CEP152: variants seen among roughly 807,000 people sequenced by gnomAD.
The protein encoded by CEP152 is centrosomal protein of 152 kDa.
CEP152 carries 132 observed loss-of-function variants against 188.9 expected under a neutral mutation model. The observed-to-expected ratio is 0.70, with a 90% confidence interval of 0.61 to 0.81. CEP152 has a LOEUF of 0.81. Among genes scored for constraint, CEP152 ranks in the 30% least tolerant of loss-of-function variants. The probability of loss-of-function intolerance (pLI) is 0.00; values close to 1 mark genes in which losing one functional copy is unlikely to be tolerated. For missense variants in CEP152, 1,914 were observed against 1,969.8 expected, an observed-to-expected ratio of 0.97 and a Z score of 0.54; for synonymous variants, 649 against 666.6, an observed-to-expected ratio of 0.97 and a Z score of 0.41.
chr15:48,795,612 G>A (rs183868259), intron 6 of CEP152, among the ~76,000 whole-genome samples: 7 of 152,274 alleles, frequency 4.6e-5, no homozygotes, highest in African/African-American at 1.4e-4. Flanking sequence ...AAACTAGAAT[G>A]ACTGAAATAT....
At chr15:48,764,806 A>G (rs1008068924) in intron 17 of CEP152, among the ~76,000 whole-genome samples, 1 of 152,252 alleles carries the variant, frequency 6.6e-6, no homozygotes, top group Non-Finnish European at 1.5e-5. Context: ...TGCATGAAAC[A>G]TAAAAAAACA....
Position 48,788,972 on chromosome 15 carries a change from C to T in CEP152, c.1002G>A (p.Met334Ile), listed in dbSNP as rs372408673. The T allele has an allele frequency of 1.9e-6, 3 of 1,614,024 alleles. No homozygotes were observed. In the African/African-American group the frequency reaches 4.0e-5, roughly 22 times the overall value. The change falls in exon 9 of 27, where the codon ATG becomes ATA. Residue 334 changes from methionine (M) to isoleucine (I), a missense_variant. By Grantham distance (10) the Met-to-Ile change is conservative (BLOSUM62 1). Coordinates refer to ENST00000380950, the MANE Select transcript of CEP152 (RefSeq NM_001194998.2). ...QMIKKSRTTE[M>I]ALESLKQQLV... Reference sequence around the variant, plus strand: ...GCTGCTGCTTCAAGCTTTCCAGAGCCATTTCAGTTGTTCTGGACTTCTTGA... The same window carrying T: ...GCTGCTGCTTCAAGCTTTCCAGAGCTATTTCAGTTGTTCTGGACTTCTTGA...
chr15:48,738,570 T>G lies in CEP152; in HGVS notation c.4812A>C (p.Glu1604Asp). 1 of 1,614,218 alleles carries G rather than the reference T, an allele frequency of 6.2e-7. No homozygotes were observed. Among genetic ancestry groups the G allele is most frequent in the Non-Finnish European group, 8.5e-7 (1 of 1,180,024 alleles). ...RPQGTLEIPS[E>D]SVKSKQFSPS... ...GTGAAAACTGTTTGGATTTAACAGATTCACTTGGTATTTCCAAAGTTCCTT... is the reference window on the plus strand; with the variant it reads ...GTGAAAACTGTTTGGATTTAACAGAGTCACTTGGTATTTCCAAAGTTCCTT... The change falls in exon 27 of 27, where the codon GAA (glutamate) becomes GAC (aspartate). Residue 1604 changes from glutamate (E) to aspartate (D), a missense_variant. Physicochemically the swap from Glu to Asp is conservative, Grantham distance 45. Transcript: ENST00000380950.
chr15:48,758,946 T>C (rs1894477126), intron 19 of CEP152, among the ~76,000 whole-genome samples: 1 of 152,142 alleles, frequency 6.6e-6, no homozygotes, highest in Non-Finnish European at 1.5e-5. Context: ...CTTGGCCTGT[T>C]TTATTTTCTA....
chr15:48,773,215 A>C (rs1337231826), intron 12 of CEP152: 1 of 156,868 alleles, frequency 6.4e-6, no homozygotes, highest in Non-Finnish European at 1.4e-5. Flanking sequence ...AGATTGAGAG[A>C]TTATCTGCTT....
At chr15:48,804,194 T>C (rs991362209) in intron 2 of CEP152, among the ~76,000 whole-genome samples, 4 of 152,248 alleles carry the variant, frequency 2.6e-5, no homozygotes, top group Admixed American at 2.6e-4. Flanking sequence ...AGGCCAGGTG[T>C]GGCCAGGGCT....
At position 48,767,513 on chromosome 15, in the gene CEP152, C is replaced by T. The variant is rs185311068; in HGVS notation, c.2019-50G>A. The T allele has an allele frequency of 3.7e-6, 6 of 1,613,044 alleles. No individual in the cohort carries two copies. The South Asian group carries it at 5.5e-5, about 15-fold the overall frequency. On this transcript the variant is annotated intron_variant, in intron 15 of 26. Transcript: ENST00000380950. ...CAATGCCCAGTCTCACTACGAACAC[C>T]AAAATGAATTGGTTTCCTTCCTTCC...
At position 48,791,223 on chromosome 15, in the gene CEP152, G is replaced by A. The variant is rs764954369; in HGVS notation, c.972+14C>T. ...CTTTTAATTTTTTTACCATACATAA[G>A]TTAAAATAGGTACCTGTTCTTCATT... On this transcript the variant is annotated intron_variant, in intron 8 of 26. Transcript: ENST00000380950. The A allele has an allele frequency of 3.7e-6, 6 of 1,607,246 alleles. No individual in the cohort carries two copies. Among genetic ancestry groups the A allele is most frequent in the Non-Finnish European group, 5.1e-6 (6 of 1,177,898 alleles).
At chr15:48,805,438 G>GC in intron 2 of CEP152, 125 bp downstream of exon 2, 1 of 1,200,472 alleles carries the variant, frequency 8.3e-7, no homozygotes. Flanking sequence ...TTTTAGGGTT[G>GC]TTTTTTTTTT....
chr15:48,782,819 A>C (rs962175047), intron 10 of CEP152, among the ~76,000 whole-genome samples: 1 of 152,226 alleles, frequency 6.6e-6, no homozygotes, highest in African/African-American at 2.4e-5. Context: ...GAAATGATTA[A>C]GTGAAGCAAT....
At chr15:48,743,347 C>A (rs551315624) in intron 24 of CEP152, among the ~76,000 whole-genome samples, 1 of 152,314 alleles carries the variant, frequency 6.6e-6, no homozygotes, top group South Asian at 2.1e-4. Flanking sequence ...CCTATATAAA[C>A]ACTACTTATT....
intron 20 of CEP152, 122 bp downstream of exon 20, chr15:48,755,781 A>T (rs760440694): frequency 6.2e-5 from 96 of 1,537,290 alleles, no homozygotes; most frequent in Admixed American, 8.5e-5. Context: ...TTTTTAAACC[A>T]CTGACAAAAA....
At chr15:48,783,523 T>C (rs977361623) in intron 10 of CEP152, among the ~76,000 whole-genome samples, 5 of 151,994 alleles carry the variant, frequency 3.3e-5, no homozygotes, top group Admixed American at 2.0e-4. Context: ...CCCTATAATG[T>C]ATTTTATTGT....
In CEP152 at chr15:48,739,055, A is replaced by T; in HGVS notation, c.4327T>A (p.Phe1443Ile). 1.2e-6 allele frequency: 2 copies of T among 1,614,206 alleles called. No homozygotes were observed. The highest frequency in any genetic ancestry group is 1.7e-6 in the Non-Finnish European group (2 of 1,180,016). ...TTGCAACTACCATCCCCAAACTGGA[A>T]TTCCAAATGTGTCTCTTTGGATCCC... is the stretch of plus-strand genomic sequence containing the variant. ...HVGSKETHLE[F>I]QFGDGSCKHL... Residue 1443 changes from phenylalanine to isoleucine, a missense_variant, in exon 27 of 27, where the codon TTC becomes ATC. Transcript: ENST00000380950.
At chr15:48,797,088 T>C (rs1206553552) in intron 5 of CEP152, among the ~76,000 whole-genome samples, 1 of 152,230 alleles carries the variant, frequency 6.6e-6, no homozygotes, top group African/African-American at 2.4e-5. Flanking sequence ...AGCCTCTATT[T>C]TAAACTTCTG....
intron 14 of CEP152, among the ~76,000 whole-genome samples, chr15:48,768,547 G>A (rs141779291): frequency 1.3e-3 from 200 of 152,234 alleles, no homozygotes; most frequent in Non-Finnish European, 2.4e-3. Context: ...AGGACTAAAC[G>A]TTTAAATTTT....
At chr15:48,783,045 C>T (rs1015215509) in intron 10 of CEP152, 9 of 152,142 alleles carry the variant, frequency 5.9e-5, no homozygotes, top group African/African-American at 2.2e-4. Flanking sequence ...CCCACCCTTT[C>T]ACATATTGTA....
Position 48,739,044 on chromosome 15 carries a change from C to T in CEP152, c.4338G>A (p.Gly1446=), listed in dbSNP as rs1346032743. The change falls in exon 27 of 27, where the codon GGG becomes GGA. Residue 1446 remains glycine, a synonymous_variant. Transcript: ENST00000380950. ...TGTTTAGGTGCTTGCAACTACCATC[C>T]CCAAACTGGAATTCCAAATGTGTCT... is the stretch of plus-strand genomic sequence containing the variant. ...SKETHLEFQF[G]DGSCKHLNSL... is the part of the protein sequence containing the mutation. 1.9e-6 allele frequency: 3 copies of T among 1,614,126 alleles called. No individual in the cohort carries two copies. Among genetic ancestry groups the T allele is most frequent in the Non-Finnish European group, 2.5e-6 (3 of 1,180,008 alleles).
chr15:48,770,737 C>G (rs1444307053), intron 13 of CEP152, among the ~76,000 whole-genome samples: 1 of 152,038 alleles, frequency 6.6e-6, no homozygotes, highest in Non-Finnish European at 1.5e-5. Flanking sequence ...GGGGGCAGGG[C>G]GGGGAGGAGT....
Sources: allele counts gnomAD v4.1 joint callset (sites outside exome capture counted in the v4.1 genomes callset), GRCh38; gene constraint gnomAD v4.1.1; transcripts MANE v1.5; gene names NCBI Gene and HGNC (gene_info 2026-07-23, HGNC 2026-07-21).